Variants in COL21A1 observed in about 807,000 individuals in gnomAD.
COL21A1 encodes collagen alpha-1(XXI) chain.
Under a neutral mutation model 137.9 loss-of-function variants are expected in COL21A1, and 149 were observed. The ratio of observed to expected loss-of-function variants is 1.08; its 90% CI spans 0.95 to 1.24. The LOEUF (loss-of-function observed/expected upper bound fraction) is 1.24, where lower values mean the gene tolerates loss of function less well. Among genes scored for constraint, COL21A1 ranks in the 50% most tolerant of loss-of-function variants. The probability of loss-of-function intolerance (pLI) is 0.00; values close to 1 mark genes in which losing one functional copy is unlikely to be tolerated. For synonymous variants in COL21A1, 456 were observed against 391.5 expected, an observed-to-expected ratio of 1.16 and a Z score of -1.95; for missense variants, 1,167 against 1,158.4, an observed-to-expected ratio of 1.01 and a Z score of -0.11.
intron 3 of COL21A1, among the ~76,000 whole-genome samples, chr6:56,175,480 T>C (rs1023745864): frequency 2.0e-5 from 3 of 151,980 alleles, no homozygotes; most frequent in Non-Finnish European, 4.4e-5. Flanking sequence ...TAAAAATCAG[T>C]TGTGTTTCTA....
chr6:56,340,144 T>A (rs1302235934), intron 1 of COL21A1, among the ~76,000 whole-genome samples: 2 of 152,172 alleles, frequency 1.3e-5, no homozygotes, highest in Non-Finnish European at 2.9e-5. Flanking sequence ...TTTCCTCTCT[T>A]ATTTGATCTA....
At chr6:56,069,668 T>TTA (rs71712515) in intron 21 of COL21A1, among the ~76,000 whole-genome samples, 22,531 of 150,196 alleles carry the variant, frequency 0.15, 1,720 homozygotes, top group Middle Eastern at 0.19. Flanking sequence ...ATGCATAATT[T>TTA]TATCTTTTAA....
chr6:56,143,020 G>A (rs2152238889), intron 10 of COL21A1, among the ~76,000 whole-genome samples: 4 of 152,066 alleles, frequency 2.6e-5, no homozygotes, highest in Admixed American at 2.6e-4. Flanking sequence ...ACAATTCCCT[G>A]TTTTTCTGTT....
intron 1 of COL21A1, among the ~76,000 whole-genome samples, chr6:56,227,957 T>C (rs964450186): frequency 2.1e-4 from 32 of 151,890 alleles, no homozygotes; most frequent in Non-Finnish European, 3.8e-4. Context: ...TAGATGACCT[T>C]AAGAAGACAG....
At chr6:56,093,058 C>T (rs1393314615) in intron 17 of COL21A1, among the ~76,000 whole-genome samples, 1 of 152,138 alleles carries the variant, frequency 6.6e-6, no homozygotes, top group African/African-American at 2.4e-5. Flanking sequence ...TACAAGGACA[C>T]TAGTGTGACA....
intron 1 of COL21A1, among the ~76,000 whole-genome samples, chr6:56,362,092 C>A (rs11757910): frequency 6.6e-6 from 1 of 152,068 alleles, no homozygotes; most frequent in Non-Finnish European, 1.5e-5. Flanking sequence ...ACCCGTCCAC[C>A]ATCTCCTACT....
At chr6:56,139,906 C>T (rs1774288852) in intron 12 of COL21A1, among the ~76,000 whole-genome samples, 1 of 152,068 alleles carries the variant, frequency 6.6e-6, no homozygotes, top group African/African-American at 2.4e-5. Context: ...AAAATAAAAT[C>T]TATAATTCTT....
intron 1 of COL21A1, among the ~76,000 whole-genome samples, chr6:56,358,728 G>A (rs1025224205): frequency 5.3e-5 from 8 of 152,162 alleles, no homozygotes; most frequent in Admixed American, 2.0e-4. Context: ...CCCAAGTCAG[G>A]AGAGATACTC....
rs146515139 is a variant in COL21A1, at chr6:56,092,232, G to A, written c.1812+9240C>T. Among the ~76,000 whole-genome samples, 36 of 152,080 alleles carry A rather than the reference G, an allele frequency of 2.4e-4. No individual in the cohort carries two copies. In the East Asian group the frequency reaches 7.0e-3, roughly 29 times the overall value. On this transcript the variant is annotated intron_variant, in intron 17 of 29. Transcript: ENST00000244728. ...TATGTTTATTATGTTTATGCTCATG[G>A]GAGAACATAAAATAAAGGCAAGAAA...
At chr6:56,138,336 TAC>T (rs1423068209) in intron 12 of COL21A1, among the ~76,000 whole-genome samples, 2 of 149,752 alleles carry the variant, frequency 1.3e-5, no homozygotes, top group African/African-American at 4.9e-5. Flanking sequence ...ATTTTATATA[TAC>T]ATTTATATCC....
At chr6:56,181,799 G>A (rs1308321580) in intron 2 of COL21A1, among the ~76,000 whole-genome samples, 1 of 152,082 alleles carries the variant, frequency 6.6e-6, no homozygotes, top group African/African-American at 2.4e-5. Flanking sequence ...TGCTAGGTAA[G>A]CCCCTTAACT....
chr6:56,060,206 A>G lies in COL21A1; in HGVS notation c.2420T>C (p.Val807Ala), dbSNP rs750613366. ...TCTAATTCTTCCACTCTGAAGTAAG[A>G]CTGGTAGCTGGGCTTTCAAAAACAA... ...CTDVIRAQLP[V>A]LLQSGRIRNC... The change falls in exon 28 of 30, where the codon GTC (valine) becomes GCC (alanine). Residue 807 changes from valine to alanine, a missense_variant. Coordinates refer to ENST00000244728, the MANE Select transcript of COL21A1 (RefSeq NM_030820.4). 19 of 1,601,488 alleles carry G rather than the reference A, an allele frequency of 1.2e-5. No homozygotes were observed. The highest frequency in any genetic ancestry group is 1.6e-5 in the Non-Finnish European group (19 of 1,175,672).
intron 1 of COL21A1, among the ~76,000 whole-genome samples, chr6:56,183,872 A>T (rs1374277315): frequency 6.6e-6 from 1 of 152,192 alleles, no homozygotes; most frequent in Non-Finnish European, 1.5e-5. Flanking sequence ...AAAAGATACA[A>T]AGAAAAATGC....
chr6:56,185,614 T>C (rs1418637385), intron 1 of COL21A1, among the ~76,000 whole-genome samples: 6 of 151,470 alleles, frequency 4.0e-5, no homozygotes, highest in Admixed American at 3.9e-4. Context: ...TTTTTGTATT[T>C]TTAGTAGAGA....
At chr6:56,257,215 T>C (rs1291279208) in intron 1 of COL21A1, among the ~76,000 whole-genome samples, 1 of 152,194 alleles carries the variant, frequency 6.6e-6, no homozygotes, top group African/African-American at 2.4e-5. Flanking sequence ...TGATTAACAC[T>C]TTGTTTTATT....
intron 12 of COL21A1, among the ~76,000 whole-genome samples, chr6:56,137,564 A>G (rs1024515524): frequency 6.6e-6 from 1 of 152,172 alleles, no homozygotes; most frequent in Non-Finnish European, 1.5e-5. Context: ...CATGCCTACA[A>G]AAGAAATAGA....
intron 9 of COL21A1, among the ~76,000 whole-genome samples, chr6:56,162,694 A>G (rs1456583659): frequency 2.6e-5 from 4 of 152,212 alleles, no homozygotes; most frequent in African/African-American, 7.2e-5. Flanking sequence ...TCTAATTTCT[A>G]CATTATATCT....
chr6:56,058,115 CATT>C (rs1183834646), intron 29 of COL21A1, among the ~76,000 whole-genome samples: 1 of 147,886 alleles, frequency 6.8e-6, no homozygotes. Context: ...ATTTAGCTAA[CATT>C]ATAATATTCC....
At chr6:56,081,651 A>G (rs974197019) in intron 17 of COL21A1, among the ~76,000 whole-genome samples, 2 of 151,908 alleles carry the variant, frequency 1.3e-5, no homozygotes, top group African/African-American at 4.8e-5. Flanking sequence ...CGCAGTTGCC[A>G]GACCTAAAAG....
Sources: allele counts gnomAD v4.1 joint callset (sites outside exome capture counted in the v4.1 genomes callset), GRCh38; gene constraint gnomAD v4.1.1; transcripts MANE v1.5; gene names NCBI Gene and HGNC (gene_info 2026-07-23, HGNC 2026-07-21).